Variants in NCOA3 observed in about 807,000 individuals in gnomAD.
NCOA3 encodes the protein CBP-interacting protein.
NCOA3 carries 51 observed loss-of-function variants against 158.8 expected under a neutral mutation model. The ratio of observed to expected loss-of-function variants is 0.32; its 90% CI spans 0.26 to 0.41. The LOEUF is 0.41. Among genes scored for constraint, NCOA3 ranks in the 10% least tolerant of loss-of-function variants. NCOA3 has a pLI of 1.00. For missense variants in NCOA3, 1,510 were observed against 1,746.6 expected (o/e 0.86, Z 2.41); for synonymous variants, 537 against 592.4 (o/e 0.91, Z 1.36).
At chr20:47,570,382 A>T (rs201132881) in intron 1 of NCOA3, among the ~76,000 whole-genome samples, 2 of 152,206 alleles carry the variant, frequency 1.3e-5, no homozygotes, top group Non-Finnish European at 2.9e-5. Context: ...TTGAGGCCTC[A>T]GTGAGCTGTG....
intron 1 of NCOA3, among the ~76,000 whole-genome samples, chr20:47,509,295 G>A (rs1054809486): frequency 6.6e-6 from 1 of 152,152 alleles, no homozygotes; most frequent in Non-Finnish European, 1.5e-5. Context: ...ATGTGAGACT[G>A]AGCTGGGAGG....
chr20:47,613,271 T>C (rs1168014323), intron 2 of NCOA3, among the ~76,000 whole-genome samples: 2 of 152,180 alleles, frequency 1.3e-5, no homozygotes, highest in East Asian at 3.8e-4. Context: ...ACCATGTGTA[T>C]GTTTTGTTTC....
intron 1 of NCOA3, among the ~76,000 whole-genome samples, chr20:47,524,354 G>GA (rs2084392712): frequency 6.6e-6 from 1 of 152,224 alleles, no homozygotes; most frequent in Admixed American, 6.5e-5. Flanking sequence ...GATAGAAAGA[G>GA]AAAGAAAGTT....
At chr20:47,502,050 G>T (rs1237758253) in intron 1 of NCOA3, 31 bp downstream of exon 1, 2 of 399,322 alleles carry the variant, frequency 5.0e-6, no homozygotes, top group Non-Finnish European at 8.8e-6. Context: ...AGGCGGTGGC[G>T]GGCGAGGGGG....
At chr20:47,588,863 A>G (rs1333683571) in intron 2 of NCOA3, among the ~76,000 whole-genome samples, 1 of 152,122 alleles carries the variant, frequency 6.6e-6, no homozygotes, top group South Asian at 2.1e-4. Context: ...TTTTAATTGT[A>G]GTAAAATTTA....
intron 1 of NCOA3, among the ~76,000 whole-genome samples, chr20:47,565,646 G>C (rs1276291671): frequency 6.6e-6 from 1 of 152,152 alleles, no homozygotes; most frequent in Non-Finnish European, 1.5e-5. Context: ...ACCCTGGGAG[G>C]CAGAGGTTGC....
At chr20:47,581,929 C>T (rs1164104399) in intron 1 of NCOA3, among the ~76,000 whole-genome samples, 1 of 152,150 alleles carries the variant, frequency 6.6e-6, no homozygotes, top group African/African-American at 2.4e-5. Context: ...CTGGCCTTTG[C>T]TTGTTGGCTT....
At chr20:47,623,884 C>T in intron 3 of NCOA3, 27 bp from the exon 4 acceptor site, 1 of 1,593,084 alleles carries the variant, frequency 6.3e-7, no homozygotes, top group Non-Finnish European at 8.5e-7. Flanking sequence ...TGTCTCCTTT[C>T]CCCCCTTTCT....
intron 5 of NCOA3, among the ~76,000 whole-genome samples, chr20:47,626,486 C>A (rs1186882785): frequency 6.6e-6 from 1 of 151,016 alleles, no homozygotes. Context: ...CCCCCACCCC[C>A]AATTATTCTT....
Position 47,627,581 on chromosome 20 carries a change from A to G in NCOA3, c.553A>G (p.Asn185Asp). 1 of 1,612,026 alleles carries G rather than the reference A, an allele frequency of 6.2e-7. No homozygotes were observed. Residue 185 changes from asparagine to aspartate, a missense_variant, in exon 7 of 23, where the codon AAT becomes GAT. Transcript: ENST00000371998. ...CAAAGTTAATGGAGTTTCCTGGACAAATGAGACCCAAAGACAAAAAAGCCA... is the reference window on the plus strand; with the variant it reads ...CAAAGTTAATGGAGTTTCCTGGACAGATGAGACCCAAAGACAAAAAAGCCA... Reference protein sequence around the residue: ...KSTVNGVSWTNETQRQKSHTF... With the variant: ...KSTVNGVSWTDETQRQKSHTF...
At chr20:47,526,949 A>G (rs972293980) in intron 1 of NCOA3, among the ~76,000 whole-genome samples, 2 of 152,188 alleles carry the variant, frequency 1.3e-5, no homozygotes, top group Non-Finnish European at 2.9e-5. Context: ...AGCCAGTTCC[A>G]TATTTTTTAA....
At chr20:47,599,123 T>C (rs1029327379) in intron 2 of NCOA3, among the ~76,000 whole-genome samples, 1 of 152,182 alleles carries the variant, frequency 6.6e-6, no homozygotes, top group African/African-American at 2.4e-5. Context: ...GTTTGCACAA[T>C]GATGAAATGG....
At chr20:47,515,823 GTGGTATATCCAGACAA>G (rs1225900713) in intron 1 of NCOA3, among the ~76,000 whole-genome samples, 3 of 152,130 alleles carry the variant, frequency 2.0e-5, no homozygotes, top group Non-Finnish European at 4.4e-5. Flanking sequence ...TAGCTTTTCT[GTGGTATATCCAGACAA>G]TGGCATATTA....
intron 2 of NCOA3, among the ~76,000 whole-genome samples, chr20:47,599,756 G>T (rs995268994): frequency 1.3e-5 from 2 of 152,076 alleles, no homozygotes; most frequent in African/African-American, 4.8e-5. Flanking sequence ...TTTTATAGAG[G>T]TCATCCTGTA....
intron 10 of NCOA3, 99 bp from the exon 11 acceptor site, chr20:47,635,223 C>T: frequency 8.3e-7 from 1 of 1,206,278 alleles, no homozygotes; most frequent in Non-Finnish European, 1.1e-6. Flanking sequence ...GCCACTGTAG[C>T]TGGCTGGTTT....
At chr20:47,567,033 TATGTATG>T (rs1568688247) in intron 1 of NCOA3, among the ~76,000 whole-genome samples, 2 of 151,804 alleles carry the variant, frequency 1.3e-5, no homozygotes, top group East Asian at 3.9e-4. Context: ...TGTATGTATG[TATGTATG>T]TATGTATGTA....
In NCOA3 at chr20:47,635,484, A is replaced by T. The variant is rs371534742; in HGVS notation, c.1275A>T (p.Thr425=). The T allele has an allele frequency of 1.2e-6, 2 of 1,613,934 alleles. No homozygotes were observed. Among genetic ancestry groups the T allele is most frequent in the African/African-American group, 2.7e-5 (2 of 74,902 alleles). ...ATGGCTTGGCAGACCCTAGCACCAC[A>T]GGGCAGATGAGTGGAGCTAGGTATG... ...RAYGLADPST[T]GQMSGARYGG... The change falls in exon 11 of 23, where the codon ACA becomes ACT. Residue 425 remains threonine (T), a synonymous_variant. Transcript: ENST00000371998.
Position 47,533,058 on chromosome 20 carries a change from T to A in NCOA3, c.-99+31039T>A, listed in dbSNP as rs1438336211. On this transcript the variant is annotated intron_variant, in intron 1 of 22. Coordinates refer to ENST00000371998, the MANE Select transcript of NCOA3 (RefSeq NM_181659.3). ...AGACGGAGGTTGCAGTGAGCCAGGA[T>A]TGTGCCATTGCACTCCAGCTTGGGC... Among the ~76,000 whole-genome samples the A allele has an allele frequency of 3.7e-5, 5 of 136,274 alleles. 1 individual carries two copies. The South Asian group carries it at 6.8e-4, about 19-fold the overall frequency. The allele number at this position is 136,274 out of a possible 152,430, so 89.4% of individuals were successfully genotyped here.
chr20:47,538,853 C>G (rs1330278945), intron 1 of NCOA3, among the ~76,000 whole-genome samples: 1 of 152,236 alleles, frequency 6.6e-6, no homozygotes, highest in Non-Finnish European at 1.5e-5. Flanking sequence ...CACTATTCTT[C>G]TCTTTCAGAT....
Sources: allele counts gnomAD v4.1 joint callset (sites outside exome capture counted in the v4.1 genomes callset), GRCh38; gene constraint gnomAD v4.1.1; transcripts MANE v1.5; gene names NCBI Gene and HGNC (gene_info 2026-07-23, HGNC 2026-07-21).